The following TSGA10 variants were observed in gnomAD, a reference collection of about 807,000 sequenced individuals.
TSGA10 encodes testis specific 10.
TSGA10 carries 43 observed loss-of-function variants against 96.6 expected under a neutral mutation model. The observed-to-expected ratio is 0.44, with a 90% CI of 0.35 to 0.57. The LOEUF is 0.57. Ranked by LOEUF, TSGA10 falls within the 20% of genes least tolerant of loss-of-function variation. The probability of loss-of-function intolerance (pLI) is 0.01; values close to 1 mark genes in which losing one functional copy is unlikely to be tolerated. For missense variants in TSGA10, 703 were observed against 834.4 expected (o/e 0.84, Z 1.94); for synonymous variants, 229 against 269.9 (o/e 0.85, Z 1.48).
intron 16 of TSGA10, among the ~76,000 whole-genome samples, chr2:99,035,913 T>C (rs2081581100): frequency 1.3e-5 from 2 of 152,142 alleles, no homozygotes; most frequent in Non-Finnish European, 2.9e-5. Context: ...AAATGAAAAC[T>C]GATAACTCTT....
chr2:99,078,598 T>C (rs1558942563), intron 12 of TSGA10, 61 bp downstream of exon 12: 3 of 1,471,568 alleles, frequency 2.0e-6, no homozygotes, highest in Non-Finnish European at 2.8e-6. Flanking sequence ...TTTTAAACCA[T>C]AGTTTAACAT....
chr2:99,074,784 C>G (rs893938562), intron 12 of TSGA10, among the ~76,000 whole-genome samples: 4 of 152,000 alleles, frequency 2.6e-5, no homozygotes, highest in Admixed American at 2.6e-4. Flanking sequence ...CATGGTGAAA[C>G]CCCATCTCTA....
chr2:99,083,505 T>C (rs1230471496), intron 10 of TSGA10, among the ~76,000 whole-genome samples: 1 of 152,168 alleles, frequency 6.6e-6, no homozygotes, highest in African/African-American at 2.4e-5. Context: ...AATTGAGCCC[T>C]ACCAATAATT....
At chr2:99,150,799 G>A (rs766589650) in intron 1 of TSGA10, 2 of 1,600,066 alleles carry the variant, frequency 1.2e-6, no homozygotes, top group Non-Finnish European at 1.7e-6. Context: ...ATATGTCAAA[G>A]AAAGTGATGG....
chr2:99,151,345 C>T (rs2093691778), intron 1 of TSGA10: 1 of 152,054 alleles, frequency 6.6e-6, no homozygotes, highest in South Asian at 2.1e-4. Flanking sequence ...CACCTGTGAT[C>T]CCAGCTACCT....
Position 98,997,276 on chromosome 2 carries a change from GC to G in TSGA10, c.*920del, listed in dbSNP as rs1391658511. On this transcript the variant is annotated 3_prime_UTR_variant, in exon 21 of 21. Coordinates refer to ENST00000393483, the MANE Select transcript of TSGA10 (RefSeq NM_025244.4). ...ATCATATGAATACTATTAATGACAA[GC>G]CTTTTTTTATTAAAATGGCAAGAAT... The G allele has an allele frequency of 6.6e-6, 1 of 151,958 alleles. No individual in the cohort carries two copies. The highest frequency in any genetic ancestry group is 1.9e-4 in the East Asian group (1 of 5,200). 9.4% of individuals were successfully genotyped at this position (151,958 alleles called of 1,614,324 possible).
chr2:99,144,675 G>A (rs1297314294), intron 1 of TSGA10, among the ~76,000 whole-genome samples: 1 of 68,828 alleles, frequency 1.5e-5, no homozygotes, highest in Admixed American at 1.4e-4. Flanking sequence ...AAAAAAAGAT[G>A]CTGAAAGCAT....
chr2:99,130,444 T>C (rs2093023350), intron 1 of TSGA10, among the ~76,000 whole-genome samples: 1 of 152,252 alleles, frequency 6.6e-6, no homozygotes, highest in African/African-American at 2.4e-5. Flanking sequence ...TGTCTGTTCA[T>C]ATCCTTTGCC....
chr2:99,087,447 A>G (rs1004542986), intron 10 of TSGA10, among the ~76,000 whole-genome samples: 1 of 152,202 alleles, frequency 6.6e-6, no homozygotes, highest in Non-Finnish European at 1.5e-5. Flanking sequence ...CGGAGGTTGC[A>G]GTGAGCCGAG....
At chr2:99,129,266 C>T (rs2092961993) in intron 1 of TSGA10, among the ~76,000 whole-genome samples, 1 of 152,146 alleles carries the variant, frequency 6.6e-6, no homozygotes, top group Non-Finnish European at 1.5e-5. Context: ...CTTCCTCACA[C>T]ATTTATTAGA....
In TSGA10 at chr2:99,104,097, G is replaced by A; in HGVS notation, c.481C>T (p.Gln161Ter). The change falls in exon 10 of 21, where the codon CAA becomes TAA. Residue 161 changes from glutamine to a stop codon, truncating the protein, a stop_gained. Coordinates refer to ENST00000393483, the MANE Select transcript of TSGA10 (RefSeq NM_025244.4). LOFTEE classifies it high-confidence loss of function. ...TTCATCAAAGTCATATTTGACATTT[G>A]CTCCATACGTTCATCATCAAGCTAT... ...VHNLDDERME[Q>*]MSNMTLMKET... 6.2e-7 allele frequency: 1 copy of A among 1,613,708 alleles called. No homozygotes were observed. The highest frequency in any genetic ancestry group is 8.5e-7 in the Non-Finnish European group (1 of 1,179,934).
intron 17 of TSGA10, among the ~76,000 whole-genome samples, chr2:99,022,647 T>C (rs139659979): frequency 1.7e-3 from 258 of 152,330 alleles, no homozygotes; most frequent in Non-Finnish European, 2.9e-3. Flanking sequence ...AATATTGCCA[T>C]AAAAATTTGT....
chr2:99,139,224 C>T (rs1372779587), intron 1 of TSGA10, among the ~76,000 whole-genome samples: 2 of 151,990 alleles, frequency 1.3e-5, no homozygotes, highest in African/African-American at 4.8e-5. Flanking sequence ...GATCGCACCA[C>T]TGCACTCCAG....
At chr2:99,109,534 G>C (rs1046139161) in intron 5 of TSGA10, 22 bp from the exon 6 acceptor site, 1 of 1,496,350 alleles carries the variant, frequency 6.7e-7, no homozygotes, top group Non-Finnish European at 9.0e-7. Context: ...TTTATTTTGT[G>C]CTTTTTCAGT....
chr2:99,022,144 G>C (rs2080085448), intron 17 of TSGA10, among the ~76,000 whole-genome samples: 1 of 151,732 alleles, frequency 6.6e-6, no homozygotes, highest in Non-Finnish European at 1.5e-5. Flanking sequence ...TGGGCAACAT[G>C]GTGAAACTCC....
chr2:99,087,921 G>A (rs940394324), intron 10 of TSGA10, among the ~76,000 whole-genome samples: 3 of 152,072 alleles, frequency 2.0e-5, no homozygotes, highest in Non-Finnish European at 4.4e-5. Context: ...AACATCATTA[G>A]GAATCAAGAA....
At chr2:99,074,255 C>A (rs2086388607) in intron 12 of TSGA10, among the ~76,000 whole-genome samples, 1 of 151,746 alleles carries the variant, frequency 6.6e-6, no homozygotes, top group South Asian at 2.1e-4. Context: ...TTCAAGTGAT[C>A]CACCCACCTC....
intron 17 of TSGA10, among the ~76,000 whole-genome samples, chr2:99,023,247 G>C (rs186076656): frequency 1.3e-5 from 2 of 152,048 alleles, no homozygotes; most frequent in African/African-American, 2.4e-5. Context: ...CGATCCTCCT[G>C]TCTAGGCCTC....
At position 99,102,892 on chromosome 2, in the gene TSGA10, A is replaced by G. The variant is rs1336291607; in HGVS notation, c.611+1075T>C. 6 of 668,422 alleles carry G rather than the reference A, an allele frequency of 9.0e-6. No homozygotes were observed. The African/African-American group carries it at 1.1e-4, about 12-fold the overall frequency. 41.4% of individuals were successfully genotyped at this position (668,422 alleles called of 1,614,324 possible). ...ATAGTCCTTTTATATTTGTCTTTGT[A>G]TTTTATAAGATACTCTGTAATGTCA... On this transcript the variant is annotated intron_variant, in intron 10 of 20. Transcript: ENST00000393483.
Sources: gnomAD v4.1 joint callset for allele counts (sites outside exome capture counted in the v4.1 genomes callset) on GRCh38, gnomAD v4.1.1 for gene constraint, MANE v1.5 for transcripts, NCBI Gene and HGNC (gene_info 2026-07-23, HGNC 2026-07-21) for gene names.